Variants in ENTPD3 observed in about 807,000 individuals in gnomAD.
The protein encoded by ENTPD3 is ectonucleoside triphosphate diphosphohydrolase 3.
Under a neutral mutation model 51.2 loss-of-function variants are expected in ENTPD3, and 60 were observed. The ratio of observed to expected loss-of-function variants is 1.17; its 90% CI spans 0.95 to 1.45. ENTPD3 has a LOEUF of 1.45. Ranked by LOEUF, ENTPD3 falls within the 40% of genes most tolerant of loss-of-function variation. The probability of loss-of-function intolerance (pLI) is 0.00; values close to 1 mark genes in which losing one functional copy is unlikely to be tolerated. For missense variants in ENTPD3, 593 were observed against 641.1 expected, an observed-to-expected ratio of 0.93 and a Z score of 0.81; for synonymous variants, 221 against 238.4, an observed-to-expected ratio of 0.93 and a Z score of 0.67.
chr3:40,394,491 T>G (rs1955148455), intron 3 of ENTPD3: 1 of 157,254 alleles, frequency 6.4e-6, no homozygotes, highest in Admixed American at 6.5e-5. Flanking sequence ...TTTCCCTCAT[T>G]ACATCACTTA....
chr3:40,388,638 C>T lies in ENTPD3; in HGVS notation c.40+541C>T, dbSNP rs970698239. Among the ~76,000 whole-genome samples, 85 of 148,060 alleles carry T rather than the reference C, an allele frequency of 5.7e-4. 1 individual carries two copies. The highest frequency in any genetic ancestry group is 2.1e-3 in the African/African-American group (85 of 40,810). On this transcript the variant is annotated intron_variant, in intron 2 of 10. Coordinates refer to ENST00000301825, the MANE Select transcript of ENTPD3 (RefSeq NM_001248.4). ...CACACACACACACTTCTAAGCTTGCCCCGCCTGCCTCTAGAGCACTTTTTG... is the reference window on the plus strand; with the variant it reads ...CACACACACACACTTCTAAGCTTGCTCCGCCTGCCTCTAGAGCACTTTTTG...
At chr3:40,391,801 C>G in intron 2 of ENTPD3, 1 of 585,196 alleles carries the variant, frequency 1.7e-6, no homozygotes, top group Admixed American at 3.2e-5. Context: ...TGTTTTAGTA[C>G]ACAATTTGTG....
At chr3:40,394,041 T>C in intron 3 of ENTPD3, among the ~76,000 whole-genome samples, 1 of 82,250 alleles carries the variant, frequency 1.2e-5, no homozygotes, top group African/African-American at 4.8e-5. Context: ...AGAGCGAGAC[T>C]CTGTCTCAAA....
At chr3:40,398,950 A>G (rs1462134508) in intron 3 of ENTPD3, among the ~76,000 whole-genome samples, 1 of 152,206 alleles carries the variant, frequency 6.6e-6, no homozygotes, top group African/African-American at 2.4e-5. Flanking sequence ...CAGATGCGGT[A>G]GCTCATCCCT....
chr3:40,419,095 CTTTACTA>C (rs938527543), intron 7 of ENTPD3, among the ~76,000 whole-genome samples: 40 of 152,110 alleles, frequency 2.6e-4, no homozygotes, highest in African/African-American at 9.7e-4. Context: ...AACTTATTTT[CTTTACTA>C]TTTACTATCC....
chr3:40,391,175 G>C (rs1955046538), intron 2 of ENTPD3: 1 of 151,844 alleles, frequency 6.6e-6, no homozygotes, highest in South Asian at 2.1e-4. Flanking sequence ...TATTGGCCAG[G>C]CTGGTCTTGA....
chr3:40,422,318 C>G (rs1365063687), intron 7 of ENTPD3, among the ~76,000 whole-genome samples: 1 of 96,106 alleles, frequency 1.0e-5, no homozygotes, highest in Admixed American at 1.6e-4. Flanking sequence ...GTTTCTAATA[C>G]CTTACTCTTT....
At chr3:40,425,417 A>AAAAAAT (rs1387714428) in intron 10 of ENTPD3, among the ~76,000 whole-genome samples, 1 of 150,942 alleles carries the variant, frequency 6.6e-6, no homozygotes, top group Non-Finnish European at 1.5e-5. Flanking sequence ...ACTCCATCTC[A>AAAAAAT]AAAAATAAAA....
chr3:40,411,942 G>T lies in ENTPD3; in HGVS notation c.417G>T (p.Thr139=). 6.2e-7 allele frequency: 1 copy of T among 1,610,916 alleles called. No homozygotes were observed. Among genetic ancestry groups the T allele is most frequent in the South Asian group, 1.1e-5 (1 of 90,160 alleles). The change falls in exon 5 of 11, where the codon ACG becomes ACT. Residue 139 remains threonine, a synonymous_variant. Transcript: ENST00000301825. ...CCACCCCCATTCACCTGGGAGCCAC[G>T]GCTGGGATGCGCTTGCTGAGGTAAA... The part of the protein sequence containing the change: ...HGSTPIHLGA[T]AGMRLLRLQN...
rs185154943 is a variant in ENTPD3, at chr3:40,422,249, T to C, written c.832-601T>C. ...GGTATTTTTTGTTTCTCTCTTGGCA[T>C]TGGAGGGTAGTGATAGAATTTGCAA... On this transcript the variant is annotated intron_variant, in intron 7 of 10. Transcript: ENST00000301825. Among the ~76,000 whole-genome samples the C allele has an allele frequency of 2.4e-3, 298 of 122,962 alleles. 4 individuals carry two copies. The highest frequency in any genetic ancestry group is 0.015 in the East Asian group (57 of 3,680). The allele number at this position is 122,962 out of a possible 152,430, so 80.7% of individuals were successfully genotyped here. A position where few individuals can be genotyped will look rare whatever the true frequency, so the allele number is the denominator to read the frequency against.
chr3:40,416,113 G>C, intron 7 of ENTPD3, 40 bp downstream of exon 7: 5 of 1,487,072 alleles, frequency 3.4e-6, no homozygotes, highest in Non-Finnish European at 4.7e-6. Context: ...GTGTTCTCTT[G>C]AGGGTTTGAG....
chr3:40,413,680 C>G (rs571430884), intron 5 of ENTPD3, among the ~76,000 whole-genome samples: 2 of 152,228 alleles, frequency 1.3e-5, no homozygotes, highest in African/African-American at 4.8e-5. Context: ...AACCATGGAA[C>G]AGAAAGCTCA....
At chr3:40,394,883 T>C (rs1441036152) in intron 3 of ENTPD3, among the ~76,000 whole-genome samples, 1 of 152,216 alleles carries the variant, frequency 6.6e-6, no homozygotes, top group African/African-American at 2.4e-5. Context: ...GGACCAGCTC[T>C]AGTTGCACTT....
intron 3 of ENTPD3, among the ~76,000 whole-genome samples, chr3:40,393,457 A>G (rs939410052): frequency 3.9e-5 from 6 of 152,172 alleles, no homozygotes; most frequent in African/African-American, 1.4e-4. Flanking sequence ...GTAATATTTG[A>G]AATACATAGA....
chr3:40,415,872 T>G lies in ENTPD3; in HGVS notation c.630T>G (p.His210Gln). Residue 210 changes from histidine (H) to glutamine (Q), a missense_variant, in exon 7 of 11, where the codon CAT becomes CAG. His to Gln is a conservative substitution (Grantham distance 24). Transcript: ENST00000301825. ...TGTGGCACATGTGGGTGCACCCGCA[T>G]GGAGTGGAAACCACGGGTGCCCTGG... The part of the protein sequence containing the change: ...KNLWHMWVHP[H>Q]GVETTGALDL... The G allele has an allele frequency of 6.2e-7, 1 of 1,614,084 alleles. No individual in the cohort carries two copies. The highest frequency in any genetic ancestry group is 8.5e-7 in the Non-Finnish European group (1 of 1,179,976).
In ENTPD3 at chr3:40,423,913, G is replaced by A. The variant is rs138106324; in HGVS notation, c.1303G>A (p.Gly435Ser). 4.2e-5 allele frequency: 68 copies of A among 1,614,066 alleles called. No individual in the cohort carries two copies. The highest frequency in any genetic ancestry group is 2.8e-4 in the African/African-American group (21 of 75,018). The change falls in exon 10 of 11, where the codon GGT (glycine) becomes AGT (serine). Residue 435 changes from glycine to serine, a missense_variant. Transcript: ENST00000301825. ...ANYIYHLFVN[G>S]YKFTEETWPQ... ...CTACATCTACCACTTGTTTGTGAAC[G>A]GTTACAAATTCACAGAGGAGACTTG...
intron 7 of ENTPD3, among the ~76,000 whole-genome samples, chr3:40,419,316 A>G (rs1955813250): frequency 1.3e-5 from 2 of 152,314 alleles, no homozygotes; most frequent in South Asian, 2.1e-4. Flanking sequence ...TCAGATTACC[A>G]CCCATGTTGT....
intron 4 of ENTPD3, among the ~76,000 whole-genome samples, chr3:40,407,328 T>G (rs1254151073): frequency 6.6e-6 from 1 of 152,012 alleles, no homozygotes; most frequent in Non-Finnish European, 1.5e-5. Context: ...GTAGATGAAT[T>G]AGCATGTTTG....
chr3:40,416,225 G>C (rs138050260), intron 7 of ENTPD3, 152 bp downstream of exon 7: 312 of 614,570 alleles, frequency 5.1e-4, no homozygotes, highest in African/African-American at 5.0e-3. Context: ...GGGGGTCCAA[G>C]TCCCTTTCCT....
Sources: allele counts gnomAD v4.1 joint callset (sites outside exome capture counted in the v4.1 genomes callset), GRCh38; gene constraint gnomAD v4.1.1; transcripts MANE v1.5; gene names NCBI Gene and HGNC (gene_info 2026-07-23, HGNC 2026-07-21).